The following SEC63 variants were observed in gnomAD, a reference collection of about 807,000 sequenced individuals.
The protein encoded by SEC63 is translocation protein SEC63 homolog.
Under a neutral mutation model 116.2 loss-of-function variants are expected in SEC63, and 56 were observed. That is an observed-to-expected ratio of 0.48 (90% confidence interval 0.39 to 0.60). SEC63 has a LOEUF of 0.60. Ranked by LOEUF, SEC63 falls within the 20% of genes least tolerant of loss-of-function variation. The probability of loss-of-function intolerance (pLI) is 0.00; values close to 1 mark genes in which losing one functional copy is unlikely to be tolerated. For missense variants in SEC63, 668 were observed against 900.0 expected (o/e 0.74, Z 3.30); for synonymous variants, 273 against 294.6 (o/e 0.93, Z 0.75).
intron 1 of SEC63, among the ~76,000 whole-genome samples, chr6:107,951,663 T>C (rs1355246177): frequency 6.6e-6 from 1 of 152,072 alleles, no homozygotes; most frequent in East Asian, 1.9e-4. Flanking sequence ...TCAGAGTATC[T>C]GGGGATGGGT....
intron 1 of SEC63, among the ~76,000 whole-genome samples, chr6:107,944,058 G>T (rs1286923833): frequency 6.6e-6 from 1 of 152,088 alleles, no homozygotes; most frequent in South Asian, 2.1e-4. Flanking sequence ...AGAAATGGTC[G>T]GACACGATGT....
intron 17 of SEC63, among the ~76,000 whole-genome samples, chr6:107,882,583 C>A (rs1786437240): frequency 6.6e-6 from 1 of 152,130 alleles, no homozygotes; most frequent in Non-Finnish European, 1.5e-5. Flanking sequence ...AGTACTGTTT[C>A]TCTACAGTAA....
chr6:107,890,691 T>C (rs984811499), intron 16 of SEC63, among the ~76,000 whole-genome samples: 1 of 152,208 alleles, frequency 6.6e-6, no homozygotes, highest in African/African-American at 2.4e-5. Context: ...TGGTATGTTT[T>C]TGCAGTGGCT....
At chr6:107,917,192 T>C (rs1311644441) in intron 4 of SEC63, among the ~76,000 whole-genome samples, 1 of 152,224 alleles carries the variant, frequency 6.6e-6, no homozygotes, top group Non-Finnish European at 1.5e-5. Context: ...CCCAACCTAT[T>C]CCTTTAATTC....
At chr6:107,928,503 G>T (rs1460440227) in intron 2 of SEC63, among the ~76,000 whole-genome samples, 2 of 147,448 alleles carry the variant, frequency 1.4e-5, no homozygotes, top group East Asian at 4.0e-4. Flanking sequence ...AAAAAAAAAA[G>T]AAAAGAAAAA....
At chr6:107,914,931 G>A (rs1787364864) in intron 4 of SEC63, among the ~76,000 whole-genome samples, 1 of 152,098 alleles carries the variant, frequency 6.6e-6, no homozygotes, top group Admixed American at 6.5e-5. Context: ...AGACCTACGA[G>A]TTACGATTAC....
At position 107,932,570 on chromosome 6, in the gene SEC63, A is replaced by G. The variant is rs1787836010; in HGVS notation, c.125-3056T>C. On this transcript the variant is annotated intron_variant, in intron 1 of 20. Coordinates refer to ENST00000369002, the MANE Select transcript of SEC63 (RefSeq NM_007214.5). ...ACTGACTGAATAAGTTAATATATTA[A>G]AGATACCTGGAGTCAGTTTTCCACT... Among the ~76,000 whole-genome samples, 3 of 152,346 alleles carry G rather than the reference A, an allele frequency of 2.0e-5. No homozygotes were observed. In the South Asian group the frequency reaches 6.2e-4, roughly 32 times the overall value.
intron 19 of SEC63, among the ~76,000 whole-genome samples, chr6:107,875,858 G>A (rs1339969994): frequency 6.6e-6 from 1 of 151,978 alleles, no homozygotes; most frequent in Admixed American, 6.6e-5. Flanking sequence ...TAGCAATATA[G>A]ACCAAAATTA....
chr6:107,904,951 T>C lies in SEC63; in HGVS notation c.962-230A>G, dbSNP rs916441745. ...CAAAGACAAATTTTTAATATCATAA[T>C]GTTAGGCTTAATAAACCAACTCCCA... is the stretch of plus-strand genomic sequence containing the variant. On this transcript the variant is annotated intron_variant, in intron 10 of 20. Coordinates refer to ENST00000369002, the MANE Select transcript of SEC63 (RefSeq NM_007214.5). Among the ~76,000 whole-genome samples the C allele has an allele frequency of 3.3e-5, 5 of 152,180 alleles. No homozygotes were observed. The East Asian group carries it at 7.7e-4, about 23-fold the overall frequency.
intron 4 of SEC63, among the ~76,000 whole-genome samples, chr6:107,921,451 T>A (rs951316595): frequency 2.7e-5 from 4 of 149,052 alleles, no homozygotes; most frequent in Admixed American, 1.3e-4. Flanking sequence ...CAGAAAACTA[T>A]CCTTTTTTTT....
At chr6:107,942,545 AC>A (rs1044334253) in intron 1 of SEC63, among the ~76,000 whole-genome samples, 7 of 152,078 alleles carry the variant, frequency 4.6e-5, no homozygotes, top group Non-Finnish European at 1.0e-4. Flanking sequence ...AAAACAAAAA[AC>A]CCTGCTCTCA....
At position 107,881,341 on chromosome 6, in the gene SEC63, A is replaced by G; in HGVS notation, c.1834-91T>C. ...GGTATTATTCCTGACAATGCTAATTAACTACTTAGGATTAGAACAAGTTCA... is the reference window on the plus strand; with the variant it reads ...GGTATTATTCCTGACAATGCTAATTGACTACTTAGGATTAGAACAAGTTCA... On this transcript the variant is annotated intron_variant, in intron 17 of 20. Coordinates refer to ENST00000369002, the MANE Select transcript of SEC63 (RefSeq NM_007214.5). 5.9e-6 allele frequency: 5 copies of G among 852,956 alleles called. 1 individual carries two copies. In the South Asian group the frequency reaches 6.9e-5, roughly 12 times the overall value. 52.8% of individuals were successfully genotyped at this position (852,956 alleles called of 1,614,324 possible). A position where few individuals can be genotyped will look rare whatever the true frequency, so the allele number is the denominator to read the frequency against.
intron 14 of SEC63, among the ~76,000 whole-genome samples, chr6:107,895,519 G>A (rs1786793560): frequency 6.6e-6 from 1 of 151,848 alleles, no homozygotes; most frequent in South Asian, 2.1e-4. Context: ...GACCAACCTG[G>A]CCAACACAGT....
At chr6:107,903,112 G>T in intron 11 of SEC63, 114 bp from the exon 12 acceptor site, 1 of 1,049,120 alleles carries the variant, frequency 9.5e-7, no homozygotes, top group South Asian at 1.4e-5. Context: ...CAAATTTGAG[G>T]ATCATAGTAA....
intron 1 of SEC63, among the ~76,000 whole-genome samples, chr6:107,936,016 C>T (rs543213455): frequency 7.3e-4 from 111 of 152,204 alleles, no homozygotes; most frequent in Non-Finnish European, 1.1e-3. Context: ...TTAAATTAAG[C>T]CTCTACAGTA....
At chr6:107,895,441 G>C (rs1036710528) in intron 14 of SEC63, among the ~76,000 whole-genome samples, 1 of 152,112 alleles carries the variant, frequency 6.6e-6, no homozygotes, top group East Asian at 1.9e-4. Flanking sequence ...AGGCTTGGTG[G>C]CTCACACCTG....
At chr6:107,877,082 T>TATATATATAC in intron 18 of SEC63, 1 of 168,926 alleles carries the variant, frequency 5.9e-6, no homozygotes, top group Non-Finnish European at 1.3e-5. Context: ...TATATATATA[T>TATATATATAC]ATATACACAT....
At chr6:107,939,046 G>A (rs2114503445) in intron 1 of SEC63, among the ~76,000 whole-genome samples, 1 of 152,296 alleles carries the variant, frequency 6.6e-6, no homozygotes, top group South Asian at 2.1e-4. Flanking sequence ...ACTTTAGGAG[G>A]CTGAGGCAGG....
At chr6:107,950,153 T>C (rs961611175) in intron 1 of SEC63, among the ~76,000 whole-genome samples, 2 of 151,896 alleles carry the variant, frequency 1.3e-5, no homozygotes, top group African/African-American at 4.8e-5. Context: ...TAAGACAAAA[T>C]AGACTTTAAA....
Sources: allele counts gnomAD v4.1 joint callset (sites outside exome capture counted in the v4.1 genomes callset), GRCh38; gene constraint gnomAD v4.1.1; transcripts MANE v1.5; gene names NCBI Gene and HGNC (gene_info 2026-07-23, HGNC 2026-07-21).